ALDH1L1: variants seen among roughly 807,000 people sequenced by gnomAD.
The protein encoded by ALDH1L1 is aldehyde dehydrogenase 1 family member L1.
In ALDH1L1, 68 loss-of-function variants were observed where a neutral mutation model predicts 101.1. The ratio of observed to expected loss-of-function variants is 0.67; its 90% CI spans 0.55 to 0.82. ALDH1L1 has a LOEUF of 0.82. Among genes scored for constraint, ALDH1L1 ranks in the 40% least tolerant of loss-of-function variants. The pLI, the probability that ALDH1L1 is intolerant of heterozygous loss-of-function variation, is 0.00. For synonymous variants in ALDH1L1, 486 were observed against 470.8 expected (o/e 1.03, Z -0.42); for missense variants, 1,087 against 1,172.7 (o/e 0.93, Z 1.07).
chr3:126,112,677 C>G, intron 19 of ALDH1L1, 105 bp downstream of exon 19: 1 of 1,101,058 alleles, frequency 9.1e-7, no homozygotes, highest in South Asian at 1.3e-5. Context: ...CAGGAGGAGC[C>G]CAGCCTCACT....
intron 4 of ALDH1L1, chr3:126,156,483 C>T (rs2108292089): frequency 6.6e-6 from 1 of 152,510 alleles, no homozygotes; most frequent in South Asian, 2.1e-4. Flanking sequence ...AGCAAGGGCT[C>T]CCCAGGGCCT....
At chr3:126,191,670 T>C (rs1164294874) in intron 1 of ALDH1L1, among the ~76,000 whole-genome samples, 1 of 152,246 alleles carries the variant, frequency 6.6e-6, no homozygotes, top group African/African-American at 2.4e-5. Context: ...GTCTTTTAGC[T>C]GTAGGCCAGG....
At chr3:126,151,870 TC>T in intron 7 of ALDH1L1, 1 of 161,192 alleles carries the variant, frequency 6.2e-6, no homozygotes. Context: ...CTCTCCTCAC[TC>T]CCCTCCCACC....
At chr3:126,183,513 G>A (rs961195127), upstream of ALDH1L1, among the ~76,000 whole-genome samples, 2 of 152,164 alleles carry the variant, frequency 1.3e-5, no homozygotes, top group Non-Finnish European at 2.9e-5. Flanking sequence ...AACCCAAAGG[G>A]TGGAGCCAAG....
chr3:126,165,138 T>G (rs546546712), intron 1 of ALDH1L1, among the ~76,000 whole-genome samples: 3 of 152,182 alleles, frequency 2.0e-5, no homozygotes, highest in Non-Finnish European at 2.9e-5. Flanking sequence ...GGAAGGGATG[T>G]TGGATTTTAT....
intron 9 of ALDH1L1, among the ~76,000 whole-genome samples, chr3:126,139,712 G>A (rs758582695): frequency 1.5e-4 from 23 of 152,130 alleles, no homozygotes; most frequent in Non-Finnish European, 3.2e-4. Flanking sequence ...ATATCGAAGT[G>A]ACAGAAACTA....
chr3:126,161,880 C>T (rs2081061732), intron 1 of ALDH1L1, among the ~76,000 whole-genome samples: 1 of 152,102 alleles, frequency 6.6e-6, no homozygotes, highest in Non-Finnish European at 1.5e-5. Context: ...CTCTTCTAGT[C>T]ACTACATTCA....
chr3:126,143,687 C>T lies in ALDH1L1; in HGVS notation c.1076+3148G>A, dbSNP rs142308759. Among the ~76,000 whole-genome samples the T allele has an allele frequency of 1.4e-4, 21 of 152,182 alleles. No homozygotes were observed. In the South Asian group the frequency reaches 3.7e-3, roughly 27 times the overall value. The stretch of plus-strand genomic sequence containing the variant: ...AAATCTTTAAATGGGCCAAGTGTAA[C>T]GCCTCACCCTGTAATTCAAGCACTG... On this transcript the variant is annotated intron_variant, in intron 9 of 22. Transcript: ENST00000393434.
chr3:126,133,185 C>A (rs1205742415), intron 12 of ALDH1L1, among the ~76,000 whole-genome samples: 3 of 152,216 alleles, frequency 2.0e-5, no homozygotes, highest in Non-Finnish European at 4.4e-5. Flanking sequence ...CCACTTAGGG[C>A]CCGCTGCTTT....
chr3:126,118,705 C>T (rs1257575416), intron 16 of ALDH1L1, among the ~76,000 whole-genome samples: 3 of 152,108 alleles, frequency 2.0e-5, no homozygotes, highest in South Asian at 2.1e-4. Context: ...TGCAGGGGCT[C>T]GAACAGAGAC....
chr3:126,181,958 C>T (rs1030744698), upstream of ALDH1L1, among the ~76,000 whole-genome samples: 1 of 152,134 alleles, frequency 6.6e-6, no homozygotes, highest in East Asian at 1.9e-4. Context: ...TGGAACTTCT[C>T]GACTCATAAA....
chr3:126,113,242 C>T (rs762566266), intron 18 of ALDH1L1, among the ~76,000 whole-genome samples: 1 of 151,970 alleles, frequency 6.6e-6, no homozygotes, highest in Admixed American at 6.5e-5. Context: ...CAGGAGGTGC[C>T]GACTCCTGTT....
At chr3:126,115,254 C>T (rs1395423375) in intron 17 of ALDH1L1, 2 of 362,078 alleles carry the variant, frequency 5.5e-6, no homozygotes, top group South Asian at 2.0e-5. Context: ...GAACACATCA[C>T]ATCAGTGGGC....
At chr3:126,182,872 G>T (rs533088239), upstream of ALDH1L1, among the ~76,000 whole-genome samples, 1 of 152,318 alleles carries the variant, frequency 6.6e-6, no homozygotes, top group East Asian at 1.9e-4. Flanking sequence ...TAAGGAGATT[G>T]TTGAAGGTGC....
intron 1 of ALDH1L1, among the ~76,000 whole-genome samples, chr3:126,194,873 C>T (rs907277584): frequency 4.6e-5 from 7 of 152,060 alleles, no homozygotes; most frequent in Non-Finnish European, 1.0e-4. Context: ...ACAATGGTAA[C>T]TTTTAGCAAC....
At chr3:126,140,537 C>T (rs1237882406) in intron 9 of ALDH1L1, among the ~76,000 whole-genome samples, 4 of 152,036 alleles carry the variant, frequency 2.6e-5, no homozygotes, top group Non-Finnish European at 4.4e-5. Flanking sequence ...TGGTTTGTAA[C>T]TTCTCTCTTT....
At chr3:126,109,867 C>A in intron 20 of ALDH1L1, 77 bp downstream of exon 20, 1 of 1,572,086 alleles carries the variant, frequency 6.4e-7, no homozygotes, top group East Asian at 2.2e-5. Context: ...GTCTCCAGTT[C>A]AGCTGGACAG....
upstream of ALDH1L1, among the ~76,000 whole-genome samples, chr3:126,185,512 G>C (rs1347013841): frequency 6.6e-6 from 1 of 152,228 alleles, no homozygotes; most frequent in African/African-American, 2.4e-5. Flanking sequence ...GGCCCAGTAA[G>C]ACTGTGATGA....
At chr3:126,161,218 T>G (rs1463267700) in intron 1 of ALDH1L1, among the ~76,000 whole-genome samples, 1 of 152,206 alleles carries the variant, frequency 6.6e-6, no homozygotes, top group Non-Finnish European at 1.5e-5. Flanking sequence ...TGTCAGAATA[T>G]TCAATGCGAC....
Sources: gnomAD v4.1 joint callset for allele counts (sites outside exome capture counted in the v4.1 genomes callset) on GRCh38, gnomAD v4.1.1 for gene constraint, MANE v1.5 for transcripts, NCBI Gene and HGNC (gene_info 2026-07-23, HGNC 2026-07-21) for gene names.